The following MAF variants were observed in gnomAD, a reference collection of about 807,000 sequenced individuals.
MAF encodes MAF bZIP transcription factor.
Under a neutral mutation model 22.0 loss-of-function variants are expected in MAF, and 10 were observed. That is an observed-to-expected ratio of 0.45 (90% CI 0.28 to 0.77). The LOEUF (loss-of-function observed/expected upper bound fraction) is 0.77. Ranked by LOEUF, MAF falls within the 30% of genes least tolerant of loss-of-function variation. The probability of loss-of-function intolerance (pLI) is 0.12; values close to 1 mark genes in which losing one functional copy is unlikely to be tolerated. For synonymous variants in MAF, 337 were observed against 255.8 expected (o/e 1.32, Z -3.03); for missense variants, 544 against 548.4 (o/e 0.99, Z 0.08).
chr16:79,345,439 A>G, the MAF span, among the ~76,000 whole-genome samples: 1 of 152,214 alleles, frequency 6.6e-6, no homozygotes, highest in Non-Finnish European at 1.5e-5. Context: ...GACATCATTA[A>G]AATATTTTTT....
At chr16:79,564,609 G>A in the MAF span, among the ~76,000 whole-genome samples, 1 of 152,150 alleles carries the variant, frequency 6.6e-6, no homozygotes, top group Non-Finnish European at 1.5e-5. Context: ...CAACTCTCGG[G>A]GCATGGAGCA....
the MAF span, among the ~76,000 whole-genome samples, chr16:79,406,315 A>G: frequency 3.9e-5 from 6 of 152,316 alleles, no homozygotes; most frequent in Middle Eastern, 3.4e-3. Flanking sequence ...TAGGATTCAC[A>G]TGGTTTCTTA....
the MAF span, among the ~76,000 whole-genome samples, chr16:79,247,444 T>C: frequency 6.6e-6 from 1 of 152,190 alleles, no homozygotes; most frequent in Admixed American, 6.5e-5. Context: ...GCAAACTTGC[T>C]TCCCCCTCAC....
chr16:79,205,191 C>G, the MAF span: 7 of 152,188 alleles, frequency 4.6e-5, no homozygotes, highest in African/African-American at 1.7e-4. Flanking sequence ...TCAAGGTGTC[C>G]CTTGTAATTT....
the MAF span, among the ~76,000 whole-genome samples, chr16:79,314,360 G>C: frequency 1.3e-5 from 2 of 152,148 alleles, no homozygotes; most frequent in African/African-American, 4.8e-5. Flanking sequence ...CTCTTCCTAA[G>C]GCCAGGTTAA....
chr16:79,242,105 C>T, the MAF span, among the ~76,000 whole-genome samples: 1 of 151,994 alleles, frequency 6.6e-6, no homozygotes, highest in Non-Finnish European at 1.5e-5. Context: ...ATTGTAAAGA[C>T]CATTAACACT....
the MAF span, among the ~76,000 whole-genome samples, chr16:79,223,335 G>A: frequency 1.3e-5 from 2 of 152,066 alleles, no homozygotes; most frequent in Non-Finnish European, 2.9e-5. Flanking sequence ...ACACAATGTA[G>A]CAGAATCTCT....
At chr16:79,470,859 C>G in the MAF span, among the ~76,000 whole-genome samples, 5 of 152,186 alleles carry the variant, frequency 3.3e-5, no homozygotes, top group African/African-American at 4.8e-5. Context: ...TGCTATTTGT[C>G]ACCATTTCTC....
chr16:79,434,884 T>C, the MAF span, among the ~76,000 whole-genome samples: 1 of 152,086 alleles, frequency 6.6e-6, no homozygotes, highest in Non-Finnish European at 1.5e-5. Flanking sequence ...CAGAAACCCA[T>C]ATCGAGGTAC....
the MAF span, among the ~76,000 whole-genome samples, chr16:79,298,914 G>C: frequency 6.6e-6 from 1 of 152,264 alleles, no homozygotes; most frequent in Non-Finnish European, 1.5e-5. Context: ...CTATAAGGCA[G>C]GTTGGGAAGC....
At chr16:79,450,675 C>G in the MAF span, among the ~76,000 whole-genome samples, 1 of 151,886 alleles carries the variant, frequency 6.6e-6, no homozygotes, top group Non-Finnish European at 1.5e-5. Context: ...CTGTTTTATT[C>G]CTATTTTACA....
At chr16:79,580,296 C>G in the MAF span, among the ~76,000 whole-genome samples, 3 of 152,170 alleles carry the variant, frequency 2.0e-5, no homozygotes, top group Non-Finnish European at 4.4e-5. Context: ...TGCCCTTAGA[C>G]TAGGGTCTTG....
chr16:79,565,493 T>C, the MAF span, among the ~76,000 whole-genome samples: 6 of 146,292 alleles, frequency 4.1e-5, no homozygotes, highest in Non-Finnish European at 7.7e-5. Context: ...GGTCCCACAA[T>C]CTTCACGTGT....
At chr16:79,479,310 C>T in the MAF span, among the ~76,000 whole-genome samples, 1 of 152,232 alleles carries the variant, frequency 6.6e-6, no homozygotes, top group Non-Finnish European at 1.5e-5. Flanking sequence ...ACCTATGTTC[C>T]ATGACAATGT....
the MAF span, among the ~76,000 whole-genome samples, chr16:79,231,661 G>C: frequency 3.3e-5 from 5 of 152,198 alleles, no homozygotes; most frequent in African/African-American, 9.6e-5. Context: ...AAGGTGTTAA[G>C]ATAACTATAT....
chr16:79,316,736 C>T, the MAF span, among the ~76,000 whole-genome samples: 1 of 152,076 alleles, frequency 6.6e-6, no homozygotes, highest in Admixed American at 6.5e-5. Flanking sequence ...GTTGGCCTTA[C>T]AGAGTTCCCC....
At chr16:79,357,640 T>A in the MAF span, among the ~76,000 whole-genome samples, 1 of 152,132 alleles carries the variant, frequency 6.6e-6, no homozygotes. Context: ...TCATGTGGGT[T>A]GGGACCATGG....
chr16:79,531,510 G>C, the MAF span, among the ~76,000 whole-genome samples: 5 of 152,054 alleles, frequency 3.3e-5, no homozygotes, highest in African/African-American at 1.2e-4. Flanking sequence ...TGTAGAAACA[G>C]TGGGAGAGCT....
At chr16:79,373,157 C>A in the MAF span, among the ~76,000 whole-genome samples, 1 of 151,992 alleles carries the variant, frequency 6.6e-6, no homozygotes, top group Non-Finnish European at 1.5e-5. Context: ...TCATCCTTGC[C>A]TTAATAGCAC....
Sources: gnomAD v4.1 joint callset for allele counts (sites outside exome capture counted in the v4.1 genomes callset) on GRCh38, gnomAD v4.1.1 for gene constraint, MANE v1.5 for transcripts, NCBI Gene and HGNC (gene_info 2026-07-23, HGNC 2026-07-21) for gene names.